ATP10A: variants seen among roughly 807,000 people sequenced by gnomAD.
ATP10A encodes the protein phospholipid-transporting ATPase VA.
Under a neutral mutation model 147.8 loss-of-function variants are expected in ATP10A, and 111 were observed. That is an observed-to-expected ratio of 0.75 (90% CI 0.64 to 0.88). The LOEUF (loss-of-function observed/expected upper bound fraction) is 0.88, where lower values mean the gene tolerates loss of function less well. Among genes scored for constraint, ATP10A ranks in the 40% least tolerant of loss-of-function variants. The pLI is 0.00. For synonymous variants in ATP10A, 875 were observed against 841.6 expected (o/e 1.04, Z -0.69); for missense variants, 1,927 against 1,959.0 (o/e 0.98, Z 0.31).
rs1039472985 is a variant in ATP10A at position 25,724,726 on chromosome 15, T to C, written c.980-705A>G. ...CCTTAGTTTAGCACCAGGTTACTGATACTTCTTCCCCTGGAATTACCACCA... is the reference window on the plus strand; with the variant it reads ...CCTTAGTTTAGCACCAGGTTACTGACACTTCTTCCCCTGGAATTACCACCA... On this transcript the variant is annotated intron_variant, in intron 5 of 20. Transcript: ENST00000555815. Among the ~76,000 whole-genome samples, 53 of 152,358 alleles carry C rather than the reference T, an allele frequency of 3.5e-4. 1 individual carries two copies. Among genetic ancestry groups the C allele is most frequent in the Non-Finnish European group, 5.1e-4 (35 of 68,036 alleles).
rs188661305 is a variant in ATP10A, at chr15:25,723,025, G to A, written c.1110+866C>T. ...AGCACATTTATGGAAGGACTAGTGG[G>A]ATCTGAAAGAAGGCTATAGTTTTGT... On this transcript the variant is annotated intron_variant, in intron 6 of 20. Coordinates refer to ENST00000555815, the MANE Select transcript of ATP10A (RefSeq NM_024490.4). Among the ~76,000 whole-genome samples the A allele has an allele frequency of 1.7e-3, 259 of 152,308 alleles. 1 individual carries two copies. Among genetic ancestry groups the A allele is most frequent in the African/African-American group, 5.9e-3 (244 of 41,576 alleles).
chr15:25,822,190 C>G (rs528907429), intron 1 of ATP10A, among the ~76,000 whole-genome samples: 1 of 152,226 alleles, frequency 6.6e-6, no homozygotes, highest in South Asian at 2.1e-4. Flanking sequence ...TCAGTATAGA[C>G]CCAGTGATTT....
At chr15:25,761,400 C>T (rs748118169) in intron 2 of ATP10A, among the ~76,000 whole-genome samples, 3 of 152,216 alleles carry the variant, frequency 2.0e-5, no homozygotes, top group Non-Finnish European at 4.4e-5. Context: ...GGGGCAGCAC[C>T]TAGTGGAGCT....
At chr15:25,795,261 C>T (rs1351721262) in intron 1 of ATP10A, among the ~76,000 whole-genome samples, 2 of 152,082 alleles carry the variant, frequency 1.3e-5, no homozygotes, top group East Asian at 3.9e-4. Flanking sequence ...AGCCACACAG[C>T]CCAGCCCACA....
intron 1 of ATP10A, among the ~76,000 whole-genome samples, chr15:25,796,456 C>G (rs575843736): frequency 4.7e-4 from 72 of 152,330 alleles, no homozygotes; most frequent in African/African-American, 1.6e-3. Context: ...TGGCACTGGC[C>G]TCTTTAATGC....
upstream of ATP10A, among the ~76,000 whole-genome samples, chr15:25,864,076 C>T (rs76007728): frequency 0.055 from 8,218 of 150,026 alleles, 304 homozygotes; most frequent in Middle Eastern, 0.2. Flanking sequence ...TGCGCTGTAG[C>T]TCTGAGGTGG....
chr15:25,718,499 G>T (rs1901988088), intron 7 of ATP10A, 100 bp from the exon 8 acceptor site: 2 of 1,252,188 alleles, frequency 1.6e-6, no homozygotes, highest in Non-Finnish European at 2.2e-6. Context: ...GCTTCCGGCA[G>T]GGCAGCCCCA....
In ATP10A at chr15:25,691,756, C is replaced by T. The variant is rs780004112; in HGVS notation, c.3124G>A (p.Ala1042Thr). 1 of 1,614,208 alleles carries T rather than the reference C, an allele frequency of 6.2e-7. No individual in the cohort carries two copies. The highest frequency in any genetic ancestry group is 8.5e-7 in the Non-Finnish European group (1 of 1,180,038). The change falls in exon 15 of 21, where the codon GCA (alanine) becomes ACA (threonine). Residue 1042 changes from alanine to threonine, a missense_variant. Transcript: ENST00000555815. ...GANDVSMIQV[A>T]DVGVGISGQE... ...CCGGAGATTCCCACACCCACATCTG[C>T]CACCTGGATCATGCTGACATCATTG...
chr15:25,726,375 T>G (rs1902551398), intron 4 of ATP10A, among the ~76,000 whole-genome samples: 1 of 152,106 alleles, frequency 6.6e-6, no homozygotes, highest in Admixed American at 6.5e-5. Flanking sequence ...ATTCAAAGAA[T>G]TTTTGCTTTT....
intron 2 of ATP10A, among the ~76,000 whole-genome samples, chr15:25,772,455 G>A (rs1889387820): frequency 6.6e-6 from 1 of 152,154 alleles, no homozygotes; most frequent in African/African-American, 2.4e-5. Flanking sequence ...GGCTCACTGG[G>A]CCGAGATGGA....
chr15:25,827,228 A>C (rs1477572113), intron 1 of ATP10A, among the ~76,000 whole-genome samples: 1 of 152,196 alleles, frequency 6.6e-6, no homozygotes, highest in Non-Finnish European at 1.5e-5. Flanking sequence ...AAAACAGAGA[A>C]GTCACCACTA....
chr15:25,774,110 C>A (rs1415446915), intron 2 of ATP10A, among the ~76,000 whole-genome samples: 2 of 151,894 alleles, frequency 1.3e-5, no homozygotes, highest in Admixed American at 6.6e-5. Context: ...CTACCTTGAA[C>A]AGAATTAAAA....
chr15:25,863,359 C>T (rs896418107), upstream of ATP10A, among the ~76,000 whole-genome samples: 1 of 151,700 alleles, frequency 6.6e-6, no homozygotes, highest in African/African-American at 2.4e-5. Flanking sequence ...CCCTTGTCCT[C>T]GCCGCCCGCC....
rs763600744 is a variant in ATP10A, at chr15:25,721,681, C to T, written c.1339G>A (p.Val447Ile). ...MVFRRCTVSGVEYSHDANAQR... is the reference protein window; with the variant it reads ...MVFRRCTVSGIEYSHDANAQR... ...CCATTTGCATCATGAGAATATTCTA[C>T]ACCAGACACAGTGCATCTTCGGAAA... Residue 447 changes from valine to isoleucine, a missense_variant, in exon 7 of 21, where the codon GTA becomes ATA. Physicochemically the swap from Val to Ile is conservative, Grantham distance 29. Transcript: ENST00000555815. 25 of 1,613,844 alleles carry T rather than the reference C, an allele frequency of 1.5e-5. No homozygotes were observed. Among genetic ancestry groups the T allele is most frequent in the Non-Finnish European group, 2.0e-5 (24 of 1,179,960 alleles).
At chr15:25,862,085 C>T in intron 1 of ATP10A, 1 of 334,660 alleles carries the variant, frequency 3.0e-6, no homozygotes, top group Non-Finnish European at 6.0e-6. Flanking sequence ...TGGCTCGCGG[C>T]TCATGGCTCA....
intron 1 of ATP10A, among the ~76,000 whole-genome samples, chr15:25,833,378 A>C (rs937838545): frequency 6.6e-6 from 1 of 152,168 alleles, no homozygotes; most frequent in Non-Finnish European, 1.5e-5. Context: ...AGCAACACTG[A>C]GGTCTCTAAA....
chr15:25,770,287 TCAGC>T (rs1490937693), intron 2 of ATP10A, among the ~76,000 whole-genome samples: 1 of 152,082 alleles, frequency 6.6e-6, no homozygotes, highest in Admixed American at 6.5e-5. Flanking sequence ...CCCAGCCCAA[TCAGC>T]CTGAGCAGCG....
intron 2 of ATP10A, among the ~76,000 whole-genome samples, chr15:25,768,041 G>T (rs1242531475): frequency 2.6e-5 from 4 of 152,240 alleles, no homozygotes; most frequent in African/African-American, 9.6e-5. Flanking sequence ...CCCCTGTGAG[G>T]CTGGTTCCTG....
At chr15:25,845,861 G>A (rs562898256) in intron 1 of ATP10A, among the ~76,000 whole-genome samples, 1 of 152,332 alleles carries the variant, frequency 6.6e-6, no homozygotes, top group Admixed American at 6.5e-5. Context: ...GTACCCCCAT[G>A]TTCACAGCAG....
Sources: gnomAD v4.1 joint callset for allele counts (sites outside exome capture counted in the v4.1 genomes callset) on GRCh38, gnomAD v4.1.1 for gene constraint, MANE v1.5 for transcripts, NCBI Gene and HGNC (gene_info 2026-07-23, HGNC 2026-07-21) for gene names.